Variants in GLIS2 observed in about 807,000 individuals in gnomAD.
GLIS2 encodes the protein GLIS family zinc finger 2.
In GLIS2, 14 loss-of-function variants were observed where a neutral mutation model predicts 35.6. The observed-to-expected ratio is 0.39, with a 90% CI of 0.26 to 0.61. The LOEUF (loss-of-function observed/expected upper bound fraction) is 0.61. GLIS2 is among the 20% of genes least tolerant of loss of function. GLIS2 has a pLI of 0.48. For missense variants in GLIS2, 675 were observed against 713.4 expected (o/e 0.95, Z 0.61); for synonymous variants, 368 against 325.1 (o/e 1.13, Z -1.42).
At position 4,336,972 on chromosome 16, in the gene GLIS2, C is replaced by T. The variant is rs777660944; in HGVS notation, c.1023C>T (p.Ala341=). 9.2e-5 allele frequency: 148 copies of T among 1,610,428 alleles called. No homozygotes were observed. In the Admixed American group the frequency reaches 1.1e-3, roughly 11 times the overall value. ...CACCCCCCAAGCCGCCACTGCCCGC[C>T]CCCGACGGCGGCCCCTATGTCAGTG... ...LRPPPKPPLP[A]PDGGPYVSGA... Residue 341 remains alanine, a synonymous_variant, in exon 7 of 7, where the codon GCC becomes GCT. Transcript: ENST00000433375.
chr16:4,330,831 G>C (rs1280974876), intron 1 of GLIS2, among the ~76,000 whole-genome samples: 1 of 152,232 alleles, frequency 6.6e-6, no homozygotes, highest in Non-Finnish European at 1.5e-5. Flanking sequence ...CCCAAAACTG[G>C]CCATAAATAA....
chr16:4,317,473 C>T (rs1360539825), intron 1 of GLIS2, among the ~76,000 whole-genome samples: 2 of 152,154 alleles, frequency 1.3e-5, no homozygotes, highest in Non-Finnish European at 2.9e-5. Context: ...GCCTTCCAGC[C>T]CCCGGGCTCA....
Position 4,335,290 on chromosome 16 carries a change from C to T in GLIS2, c.672C>T (p.Ile224=). The T allele has an allele frequency of 6.2e-7, 1 of 1,613,852 alleles. No homozygotes were observed. The highest frequency in any genetic ancestry group is 8.5e-7 in the Non-Finnish European group (1 of 1,180,012). The change falls in exon 6 of 7, where the codon ATC becomes ATT. Residue 224 remains isoleucine (I), a synonymous_variant. Transcript: ENST00000433375. The surrounding 1 kb of genome is among the most constrained non-coding windows in gnomAD (Gnocchi z 4.6). ...RGFNARYKML[I]HIRTHTNEKP... is the part of the protein sequence containing the mutation. ...CCTGGAGCAGGTACAAGATGCTCATCCACATCCGCACACACACCAACGAGA... is the reference window on the plus strand; with the variant it reads ...CCTGGAGCAGGTACAAGATGCTCATTCACATCCGCACACACACCAACGAGA...
rs1396958268 is a variant in GLIS2, at chr16:4,332,483, A to G, written c.172+31A>G. The G allele has an allele frequency of 1.2e-6, 2 of 1,604,946 alleles. No homozygotes were observed. The highest frequency in any genetic ancestry group is 1.7e-6 in the Non-Finnish European group (2 of 1,178,416). On this transcript the variant is annotated intron_variant, in intron 2 of 6. Coordinates refer to ENST00000433375, the MANE Select transcript of GLIS2 (RefSeq NM_032575.3). The surrounding 1 kb of genome is among the most constrained non-coding windows in gnomAD (Gnocchi z 5.4). ...GGCCCTGGGCAGGGCAGGGGGACTT[A>G]GCCCTGATCCAGTCATGGTGACAGG... is the stretch of plus-strand genomic sequence containing the variant.
At position 4,316,448 on chromosome 16, in the gene GLIS2, G is replaced by A. The variant is rs528923090; in HGVS notation, c.-67+194G>A. ...GGCTCGCGCGCTCCCTCCCTCGCCG[G>A]CTCCCCGGCCGGGTCCCTCGAGCTC... is the stretch of plus-strand genomic sequence containing the variant. On this transcript the variant is annotated intron_variant, in intron 1 of 6. Transcript: ENST00000433375. 2.3e-3 allele frequency among the ~76,000 whole-genome samples: 354 copies of A among 151,526 alleles called. 1 individual carries two copies. Among genetic ancestry groups the A allele is most frequent in the African/African-American group, 7.9e-3 (327 of 41,388 alleles).
At position 4,323,569 on chromosome 16, in the gene GLIS2, C is replaced by T. The variant is rs562732200; in HGVS notation, c.-67+7315C>T. Among the ~76,000 whole-genome samples the T allele has an allele frequency of 4.6e-5, 7 of 152,146 alleles. No homozygotes were observed. The South Asian group carries it at 6.2e-4, about 14-fold the overall frequency. Reference sequence around the variant, plus strand: ...TGCCATGGCCATCTGTGTGAGTGTGCGTGTGTGTGCCGGGGCTCCCGGAGC... The same window carrying T: ...TGCCATGGCCATCTGTGTGAGTGTGTGTGTGTGTGCCGGGGCTCCCGGAGC... On this transcript the variant is annotated intron_variant, in intron 1 of 6. Coordinates refer to ENST00000433375, the MANE Select transcript of GLIS2 (RefSeq NM_032575.3).
Position 4,332,150 on chromosome 16 carries a change from A to T in GLIS2, c.-66-65A>T, listed in dbSNP as rs746708314. 4.3e-6 allele frequency: 5 copies of T among 1,156,448 alleles called. No homozygotes were observed. The highest frequency in any genetic ancestry group is 6.2e-6 in the Non-Finnish European group (5 of 801,050). The allele number at this position is 1,156,448 out of a possible 1,614,324, so 71.6% of individuals were successfully genotyped here. On this transcript the variant is annotated intron_variant, in intron 1 of 6. Coordinates refer to ENST00000433375, the MANE Select transcript of GLIS2 (RefSeq NM_032575.3). The surrounding 1 kb of genome is among the most constrained non-coding windows in gnomAD (Gnocchi z 5.4). Reference sequence around the variant, plus strand: ...CTGCTCCTGCTCCTGTTAGACTGTCATGAGTACAGCCCGAGGAGAAGCCTG... The same window carrying T: ...CTGCTCCTGCTCCTGTTAGACTGTCTTGAGTACAGCCCGAGGAGAAGCCTG...
rs2053589613 is a variant in GLIS2, at chr16:4,338,753, G to C, written c.*1229G>C. The C allele has an allele frequency of 6.6e-6, 1 of 152,464 alleles. No homozygotes were observed. The highest frequency in any genetic ancestry group is 1.5e-5 in the Non-Finnish European group (1 of 68,220). 9.4% of individuals were successfully genotyped at this position (152,464 alleles called of 1,614,324 possible). On this transcript the variant is annotated 3_prime_UTR_variant, in exon 7 of 7. Transcript: ENST00000433375. ...CCCCCAGGTTCTGTGCCACTCAGAG[G>C]GACCCTGGCAGGGGCCAGAACCACT...
intron 1 of GLIS2, among the ~76,000 whole-genome samples, chr16:4,317,596 T>G (rs2053328042): frequency 6.6e-6 from 1 of 151,938 alleles, no homozygotes; most frequent in Admixed American, 6.6e-5. Flanking sequence ...ACCTCGGACC[T>G]CCCCCTCTGC....
At chr16:4,326,745 A>C (rs902254976) in intron 1 of GLIS2, among the ~76,000 whole-genome samples, 2 of 138,612 alleles carry the variant, frequency 1.4e-5, no homozygotes, top group African/African-American at 2.8e-5. Flanking sequence ...CCCTGCTTCC[A>C]CGCCCAGCTA....
In GLIS2 at chr16:4,333,237, G is replaced by A. The variant is rs1032504100; in HGVS notation, c.173-110G>A. On this transcript the variant is annotated intron_variant, in intron 2 of 6. Transcript: ENST00000433375. Reference sequence around the variant, plus strand: ...GCTCCTCACATTCGTGTGGTCTGGGGGCATGGCTGGTGTCTGCTCCCAAGG... The same window carrying A: ...GCTCCTCACATTCGTGTGGTCTGGGAGCATGGCTGGTGTCTGCTCCCAAGG... The A allele has an allele frequency of 3.4e-5, 40 of 1,191,570 alleles. No homozygotes were observed. In the African/African-American group the frequency reaches 5.7e-4, roughly 17 times the overall value. 73.8% of individuals were successfully genotyped at this position (1,191,570 alleles called of 1,614,324 possible). A position where few individuals can be genotyped will look rare whatever the true frequency, so the allele number is the denominator to read the frequency against.
intron 1 of GLIS2, among the ~76,000 whole-genome samples, chr16:4,325,929 T>TA (rs58290393): frequency 0.24 from 9,436 of 40,124 alleles, 2,583 homozygotes; most frequent in Non-Finnish European, 0.29. Context: ...CTCTGTGTCT[T>TA]AAAAAAAAAA....
intron 3 of GLIS2, among the ~76,000 whole-genome samples, chr16:4,334,442 T>C (rs974433212): frequency 6.6e-6 from 1 of 151,886 alleles, no homozygotes; most frequent in Non-Finnish European, 1.5e-5. Flanking sequence ...TTCACCATAT[T>C]GGCCAGGCTG....
chr16:4,325,964 C>A (rs12935815), intron 1 of GLIS2, among the ~76,000 whole-genome samples: 12,598 of 133,196 alleles, frequency 0.095, 703 homozygotes, highest in African/African-American at 0.15. Context: ...AAAGGCCAGA[C>A]TTGGTGGCTC....
chr16:4,324,007 G>A (rs1179969720), intron 1 of GLIS2, among the ~76,000 whole-genome samples: 1 of 152,224 alleles, frequency 6.6e-6, no homozygotes, highest in Non-Finnish European at 1.5e-5. Context: ...GGCACACTCT[G>A]TGAACACGCA....
At chr16:4,329,432 T>C (rs1433441300) in intron 1 of GLIS2, among the ~76,000 whole-genome samples, 1 of 152,220 alleles carries the variant, frequency 6.6e-6, no homozygotes, top group East Asian at 1.9e-4. Flanking sequence ...CACGGCCTAG[T>C]GCAGCTGCCC....
At chr16:4,331,896 CTA>C in intron 1 of GLIS2, 2 of 359,180 alleles carry the variant, frequency 5.6e-6, no homozygotes, top group Non-Finnish European at 1.1e-5. Context: ...CTGCAGTGAG[CTA>C]TGATTGTGCC....
intron 1 of GLIS2, among the ~76,000 whole-genome samples, chr16:4,329,700 G>C (rs1201928444): frequency 6.6e-6 from 1 of 152,160 alleles, no homozygotes. Flanking sequence ...GAAACACACG[G>C]GGGCATATCC....
In GLIS2 at chr16:4,327,812, C is replaced by T. The variant is rs556078437; in HGVS notation, c.-66-4403C>T. ...CCCTCGCCGCAGCCGCTTCCTCCCGCTCGCCCCGCTCTAATTAGTTCCTTT... is the reference window on the plus strand; with the variant it reads ...CCCTCGCCGCAGCCGCTTCCTCCCGTTCGCCCCGCTCTAATTAGTTCCTTT... On this transcript the variant is annotated intron_variant, in intron 1 of 6. Transcript: ENST00000433375. Among the ~76,000 whole-genome samples, 8 of 151,994 alleles carry T rather than the reference C, an allele frequency of 5.3e-5. No individual in the cohort carries two copies. In the South Asian group the frequency reaches 1.5e-3, roughly 28 times the overall value.
Sources: allele counts gnomAD v4.1 joint callset (sites outside exome capture counted in the v4.1 genomes callset), GRCh38; gene constraint gnomAD v4.1.1; non-coding constraint Gnocchi (gnomAD v3.1); transcripts MANE v1.5; gene names NCBI Gene and HGNC (gene_info 2026-07-23, HGNC 2026-07-21).